HLA-B: variants seen among roughly 807,000 people sequenced by gnomAD.
HLA-B encodes HLA class I antigen HLA-B.
Under a neutral mutation model 41.5 loss-of-function variants are expected in HLA-B, and 31 were observed. The observed-to-expected ratio is 0.75, with a 90% CI of 0.56 to 1.01. The LOEUF is 1.01. HLA-B is among the 50% of genes least tolerant of loss of function. The probability of loss-of-function intolerance (pLI) is 0.00; values close to 1 mark genes in which losing one functional copy is unlikely to be tolerated. For missense variants in HLA-B, 369 were observed against 457.2 expected (o/e 0.81, Z 1.76); for synonymous variants, 138 against 189.0 (o/e 0.73, Z 2.21).
chr6:31,355,791 G>T, intron 3 of HLA-B, 199 bp from the exon 4 acceptor site: 1 of 682,124 alleles, frequency 1.5e-6, no homozygotes, highest in Non-Finnish European at 2.6e-6. Context: ...GGGGAACAGG[G>T]ACTTCTGCTC....
Position 31,354,684 on chromosome 6 carries a change from CTG to C in HLA-B, c.1013-21_1013-20del. 1 of 1,262,206 alleles carries C rather than the reference CTG, an allele frequency of 7.9e-7. No individual in the cohort carries two copies. The highest frequency in any genetic ancestry group is 1.2e-5 in the South Asian group (1 of 82,332). The allele number at this position is 1,262,206 out of a possible 1,614,324, so 78.2% of individuals were successfully genotyped here. On this transcript the variant is annotated intron_variant, in intron 5 of 7. Transcript: ENST00000412585. ...TTTCCACCTGTGGGAAGAAAATGTC[CTG>C]TGAGGGCACTGGGAGGAAGCAGGGC...
chr6:31,356,585 C>T (rs942324511), intron 2 of HLA-B, 103 bp downstream of exon 2: 2 of 1,121,764 alleles, frequency 1.8e-6, no homozygotes, highest in Non-Finnish European at 2.5e-6. Flanking sequence ...GCGGGTCCCG[C>T]GGCCTCAGGG....
chr6:31,354,375 C>T (rs559352471), intron 7 of HLA-B, 79 bp from the exon 8 acceptor site: 3 of 459,226 alleles, frequency 6.5e-6, no homozygotes, highest in South Asian at 2.2e-5. Context: ...ACCACACACG[C>T]GAAACATCCC....
chr6:31,355,723 C>T lies in HLA-B; in HGVS notation c.620-131G>A, dbSNP rs1766886491. 3 of 824,934 alleles carry T rather than the reference C, an allele frequency of 3.6e-6. No homozygotes were observed. In the East Asian group the frequency reaches 8.3e-5, roughly 23 times the overall value. The allele number at this position is 824,934 out of a possible 1,614,324, so 51.1% of individuals were successfully genotyped here. On this transcript the variant is annotated intron_variant, in intron 3 of 7. Transcript: ENST00000412585. The stretch of plus-strand genomic sequence containing the variant: ...AAGGGGCACAGAACCCAGACACCAG[C>T]CTGGACGCAGGCACCTGGGATAATC...
chr6:31,355,309 C>A lies in HLA-B; in HGVS notation c.895+8G>T. The stretch of plus-strand genomic sequence containing the variant: ...AGAAGAGATATGACCCCTCATCCCC[C>A]TCCTTACCCCATCTCAGGGTGAGGG... On this transcript the variant is annotated splice_region_variant and intron_variant, in intron 4 of 7. Transcript: ENST00000412585. The A allele has an allele frequency of 6.4e-7, 1 of 1,558,302 alleles. No homozygotes were observed. Among genetic ancestry groups the A allele is most frequent in the Non-Finnish European group, 8.6e-7 (1 of 1,157,444 alleles).
At chr6:31,354,602 GCTCCTCCACA>G (rs781019753) in intron 6 of HLA-B, 21 bp downstream of exon 6, 1 of 1,457,422 alleles carries the variant, frequency 6.9e-7, no homozygotes, top group Non-Finnish European at 9.1e-7. Flanking sequence ...GGGTGGGTGA[GCTCCTCCACA>G]CTCCCACCCC....
At chr6:31,354,428 A>ACCCCCCCCC in intron 7 of HLA-B, 51 bp downstream of exon 7, 2 of 153,866 alleles carry the variant, frequency 1.3e-5, no homozygotes, top group South Asian at 5.1e-5. Context: ...CCTCTGCCCC[A>ACCCCCCCCC]CCCACCCCCA....
In HLA-B at chr6:31,354,499, A is replaced by G. The variant is rs1377561203; in HGVS notation, c.1073T>C (p.Val358Ala). ...ACSDSAQGSD[V>A]SLTA The stretch of plus-strand genomic sequence containing the variant: ...CTCACCTTTTCAAGCTGTGAGAGAC[A>G]CATCAGAGCCCTGGGCACTGTCGCT... The change falls in exon 7 of 8, where the codon GTG becomes GCG. Residue 358 changes from valine to alanine, a missense_variant. Val to Ala is a moderately conservative substitution (Grantham distance 64). Coordinates refer to ENST00000412585, the MANE Select transcript of HLA-B (RefSeq NM_005514.8). 1.5e-6 allele frequency: 2 copies of G among 1,303,322 alleles called. No homozygotes were observed. The highest frequency in any genetic ancestry group is 2.0e-6 in the Non-Finnish European group (2 of 994,940). 80.7% of individuals were successfully genotyped at this position (1,303,322 alleles called of 1,614,324 possible).
intron 2 of HLA-B, 33 bp from the exon 3 acceptor site, chr6:31,356,475 C>G (rs1437468061): frequency 1.3e-6 from 1 of 748,314 alleles, no homozygotes; most frequent in South Asian, 2.2e-5. Flanking sequence ...CCCAGTCCCC[C>G]GAGCCCCGCC....
chr6:31,354,445 CCA>C (rs1491233979), intron 7 of HLA-B, 32 bp downstream of exon 7: 23 of 532,264 alleles, frequency 4.3e-5, no homozygotes, highest in East Asian at 2.9e-4. Flanking sequence ...CCCAGACCCG[CCA>C]CCCCACCCAC....
At chr6:31,354,428 A>ACCCCCCC in intron 7 of HLA-B, 51 bp downstream of exon 7, 1 of 153,866 alleles carries the variant, frequency 6.5e-6, no homozygotes, top group Admixed American at 1.5e-4. Flanking sequence ...CCTCTGCCCC[A>ACCCCCCC]CCCACCCCCA....
At chr6:31,356,628 C>T (rs1347097283) in intron 2 of HLA-B, 60 bp downstream of exon 2, 12 of 1,364,758 alleles carry the variant, frequency 8.8e-6, no homozygotes, top group Non-Finnish European at 1.1e-5. Context: ...CTCGGGGCGA[C>T]CCGGGCCGTA....
chr6:31,355,829 A>G (rs1766903043), intron 3 of HLA-B: 2 of 669,112 alleles, frequency 3.0e-6, no homozygotes, highest in Admixed American at 2.3e-5. Context: ...AAAGTGACTC[A>G]GAAGTGCTGG....
chr6:31,354,695 CTGGG>C, intron 5 of HLA-B, 30 bp from the exon 6 acceptor site: 1 of 1,139,696 alleles, frequency 8.8e-7, no homozygotes, highest in South Asian at 1.3e-5. Context: ...TGTGAGGGCA[CTGGG>C]AGGAAGCAGG....
At chr6:31,354,428 A>AACCCCCCCCCCCCCCC in intron 7 of HLA-B, 51 bp downstream of exon 7, 3 of 153,852 alleles carry the variant, frequency 1.9e-5, no homozygotes, top group South Asian at 1.5e-4. Flanking sequence ...CCTCTGCCCC[A>AACCCCCCCCCCCCCCC]CCCACCCCCA....
chr6:31,355,791 G>A (rs773946644), intron 3 of HLA-B, 199 bp from the exon 4 acceptor site: 2 of 682,124 alleles, frequency 2.9e-6, no homozygotes, highest in South Asian at 1.5e-5. Flanking sequence ...GGGGAACAGG[G>A]ACTTCTGCTC....
At chr6:31,354,440 A>ACCCCCCCCCCCCCCC in intron 7 of HLA-B, 39 bp downstream of exon 7, 2 of 308,254 alleles carry the variant, frequency 6.5e-6, no homozygotes, top group Non-Finnish European at 1.1e-5. Flanking sequence ...CCACCCCCAG[A>ACCCCCCCCCCCCCCC]CCCGCCACCC....
rs199519399 is a variant in HLA-B at position 31,356,964 on chromosome 6, G to A, written c.74-7C>T. 2,124 of 895,178 alleles carry A rather than the reference G, an allele frequency of 2.4e-3. 3 individuals are homozygous for A. Among genetic ancestry groups the A allele is most frequent in the Middle Eastern group, 8.0e-3 (18 of 2,260 alleles). 55.5% of individuals were successfully genotyped at this position (895,178 alleles called of 1,614,324 possible). A position where few individuals can be genotyped will look rare whatever the true frequency, so the allele number is the denominator to read the frequency against. On this transcript the variant is annotated splice_region_variant and splice_polypyrimidine_tract_variant and intron_variant, in intron 1 of 7. Coordinates refer to ENST00000412585, the MANE Select transcript of HLA-B (RefSeq NM_005514.8). ...TACCTCATGGAGTGGGAGCCTGGGG[G>A]TGAGGAGGGGCTGAGACCCGCCCGA...
intron 3 of HLA-B, chr6:31,355,804 G>C (rs1240374512): frequency 3.0e-6 from 2 of 672,742 alleles, no homozygotes; most frequent in Non-Finnish European, 5.4e-6. Flanking sequence ...TTCTGCTCCT[G>C]ATCTGAGTGG....
Sources: gnomAD v4.1 joint callset for allele counts on GRCh38, gnomAD v4.1.1 for gene constraint, MANE v1.5 for transcripts, NCBI Gene and HGNC (gene_info 2026-07-23, HGNC 2026-07-21) for gene names.